The following CHD9 variants were observed in gnomAD, a reference collection of about 807,000 sequenced individuals.
CHD9 encodes the protein chromodomain helicase DNA binding protein 9.
In CHD9, 77 loss-of-function variants were observed where a neutral mutation model predicts 316.1. That is an observed-to-expected ratio of 0.24 (90% CI 0.20 to 0.29). The LOEUF (loss-of-function observed/expected upper bound fraction) is 0.29. Among genes scored for constraint, CHD9 ranks in the 10% least tolerant of loss-of-function variants. The pLI, the probability that CHD9 is intolerant of heterozygous loss-of-function variation, is 1.00. For missense variants in CHD9, 2,763 were observed against 3,438.1 expected (o/e 0.80, Z 4.91); for synonymous variants, 1,129 against 1,158.3 (o/e 0.97, Z 0.51).
intron 1 of CHD9, among the ~76,000 whole-genome samples, chr16:53,077,967 G>A (rs1181214376): frequency 6.6e-6 from 1 of 152,122 alleles, no homozygotes; most frequent in Non-Finnish European, 1.5e-5. Flanking sequence ...CCAGCTACTT[G>A]GGGAGCTGAG....
At chr16:53,172,400 G>A (rs1245318403) in intron 2 of CHD9, among the ~76,000 whole-genome samples, 6 of 152,004 alleles carry the variant, frequency 3.9e-5, no homozygotes, top group Admixed American at 6.5e-5. Flanking sequence ...TTCATTATAT[G>A]GATCTACTAT....
At chr16:53,191,258 TCTC>T (rs1343065809) in intron 2 of CHD9, among the ~76,000 whole-genome samples, 13 of 152,164 alleles carry the variant, frequency 8.5e-5, no homozygotes, top group Non-Finnish European at 1.6e-4. Flanking sequence ...ATTTATGTCT[TCTC>T]ATGTATCAGT....
intron 2 of CHD9, among the ~76,000 whole-genome samples, chr16:53,197,921 G>A (rs1427825120): frequency 6.6e-6 from 1 of 152,078 alleles, no homozygotes; most frequent in Non-Finnish European, 1.5e-5. Context: ...GCCTCCCAAA[G>A]TACTGGGATT....
chr16:53,285,587 T>C lies in CHD9; in HGVS notation c.4968-9T>C. The C allele has an allele frequency of 6.4e-7, 1 of 1,563,598 alleles. No individual in the cohort carries two copies. Among genetic ancestry groups the C allele is most frequent in the Non-Finnish European group, 8.7e-7 (1 of 1,148,034 alleles). ...TAATTCATAATGCCATATTATGATT[T>C]TTTTAAAGTGACATTGATGTTTGGG... On this transcript the variant is annotated splice_polypyrimidine_tract_variant and intron_variant, in intron 24 of 38. Coordinates refer to ENST00000447540, the MANE Select transcript of CHD9 (RefSeq NM_001308319.2).
intron 4 of CHD9, among the ~76,000 whole-genome samples, chr16:53,225,860 A>C (rs1016849685): frequency 3.3e-5 from 5 of 152,110 alleles, no homozygotes; most frequent in African/African-American, 1.2e-4. Flanking sequence ...ACCCCCAATT[A>C]ATTCTATACC....
At chr16:53,316,086 T>G (rs1038876085) in intron 36 of CHD9, among the ~76,000 whole-genome samples, 18 of 152,024 alleles carry the variant, frequency 1.2e-4, no homozygotes, top group Non-Finnish European at 1.9e-4. Context: ...ATTTTTTCAA[T>G]TTTTATTTTG....
At chr16:53,061,014 C>A in intron 1 of CHD9, among the ~76,000 whole-genome samples, 1 of 151,364 alleles carries the variant, frequency 6.6e-6, no homozygotes. Context: ...CAACCTCCGC[C>A]CCCCCGGGTT....
chr16:53,284,469 A>G (rs908838505), intron 24 of CHD9, among the ~76,000 whole-genome samples: 10 of 152,050 alleles, frequency 6.6e-5, no homozygotes, highest in African/African-American at 2.4e-4. Context: ...AAAGAAAATG[A>G]CTTGAATCAC....
chr16:53,226,085 A>G (rs1337414372), intron 4 of CHD9, among the ~76,000 whole-genome samples: 1 of 152,130 alleles, frequency 6.6e-6, no homozygotes, highest in African/African-American at 2.4e-5. Context: ...TAAAAAACAG[A>G]CATCTCTTTA....
At chr16:53,065,355 C>T (rs1253426152) in intron 1 of CHD9, among the ~76,000 whole-genome samples, 1 of 151,446 alleles carries the variant, frequency 6.6e-6, no homozygotes, top group African/African-American at 2.4e-5. Context: ...GTATTCTGGC[C>T]CTGTGCGGTG....
chr16:53,256,958 T>C (rs1248189265), intron 19 of CHD9, among the ~76,000 whole-genome samples: 3 of 152,070 alleles, frequency 2.0e-5, no homozygotes, highest in African/African-American at 4.8e-5. Flanking sequence ...ACTAATAAAT[T>C]CTTGTGTCAG....
intron 1 of CHD9, among the ~76,000 whole-genome samples, chr16:53,108,145 G>A (rs1417622560): frequency 6.6e-6 from 1 of 152,134 alleles, no homozygotes; most frequent in Non-Finnish European, 1.5e-5. Context: ...CCCACTTATT[G>A]TGATCTCTAA....
At chr16:53,321,816 T>C (rs752994919) in intron 38 of CHD9, among the ~76,000 whole-genome samples, 186 bp downstream of exon 38, 75 of 152,042 alleles carry the variant, frequency 4.9e-4, no homozygotes, top group Non-Finnish European at 4.0e-4. Context: ...GAACAGAAAA[T>C]CAATACTGAT....
chr16:53,235,618 G>A lies in CHD9; in HGVS notation c.2633+312G>A, dbSNP rs931485722. Among the ~76,000 whole-genome samples the A allele has an allele frequency of 1.3e-5, 2 of 152,084 alleles. 1 individual carries two copies. Among genetic ancestry groups the A allele is most frequent in the South Asian group, 4.1e-4 (2 of 4,824 alleles). ...TTTCAGCTTATCAACCCGTACTACT[G>A]TCTGCCAACAATCAGTTCGAGTTAG... On this transcript the variant is annotated intron_variant, in intron 11 of 38. Coordinates refer to ENST00000447540, the MANE Select transcript of CHD9 (RefSeq NM_001308319.2).
intron 1 of CHD9, among the ~76,000 whole-genome samples, chr16:53,143,120 C>T (rs1170843983): frequency 1.8e-4 from 27 of 151,996 alleles, no homozygotes; most frequent in Admixed American, 1.8e-3. Context: ...GTTATTAGGC[C>T]CCACCTCGAA....
intron 37 of CHD9, among the ~76,000 whole-genome samples, chr16:53,320,177 A>AAGTG (rs1419944554): frequency 6.7e-6 from 1 of 150,266 alleles, no homozygotes; most frequent in Non-Finnish European, 1.5e-5. Flanking sequence ...CCTTAAAAAA[A>AAGTG]AGTGAGTGAG....
intron 1 of CHD9, among the ~76,000 whole-genome samples, chr16:53,075,924 T>G (rs1055546309): frequency 3.3e-5 from 5 of 152,184 alleles, no homozygotes; most frequent in African/African-American, 1.2e-4. Context: ...CACCAACACT[T>G]GTTATTTTCT....
chr16:53,069,932 G>T (rs987901158), intron 1 of CHD9, among the ~76,000 whole-genome samples: 1 of 143,538 alleles, frequency 7.0e-6, no homozygotes, highest in South Asian at 2.3e-4. Context: ...GGTTTTTTTT[G>T]ATCATAGGTG....
At chr16:53,210,185 C>A (rs1283490864) in intron 3 of CHD9, among the ~76,000 whole-genome samples, 1 of 150,906 alleles carries the variant, frequency 6.6e-6, no homozygotes, top group East Asian at 1.9e-4. Context: ...TTATAAGATT[C>A]TTTTTCTCTT....
Sources: gnomAD v4.1 joint callset for allele counts (sites outside exome capture counted in the v4.1 genomes callset) on GRCh38, gnomAD v4.1.1 for gene constraint, MANE v1.5 for transcripts, NCBI Gene and HGNC (gene_info 2026-07-23, HGNC 2026-07-21) for gene names.